Variants in ACACA observed in about 807,000 individuals in gnomAD.
The protein encoded by ACACA is acetyl-CoA carboxylase alpha.
ACACA carries 103 observed loss-of-function variants against 296.1 expected under a neutral mutation model. The observed-to-expected ratio is 0.35, with a 90% CI of 0.30 to 0.41. The LOEUF (loss-of-function observed/expected upper bound fraction) is 0.41, where lower values mean the gene tolerates loss of function less well. Ranked by LOEUF, ACACA falls within the 10% of genes least tolerant of loss-of-function variation. The pLI is 1.00. For synonymous variants in ACACA, 953 were observed against 1,038.6 expected (o/e 0.92, Z 1.58); for missense variants, 1,554 against 2,989.7 (o/e 0.52, Z 11.20).
At chr17:37,192,814 T>C (rs768527601) in intron 36 of ACACA, among the ~76,000 whole-genome samples, 19 of 152,202 alleles carry the variant, frequency 1.2e-4, no homozygotes, top group Non-Finnish European at 2.6e-4. Context: ...TTTGGAACAC[T>C]ATATCCATAG....
rs57591064 is a variant in ACACA, at chr17:37,210,751, C to CAA, written c.3684-263_3684-262dup. On this transcript the variant is annotated intron_variant, in intron 29 of 55. Transcript: ENST00000616317. ...TGGATTTTAAAAATAGCTCTATTAC[C>CAA]AAAAAAAAAAAAAAAAAAAAAAAAA... Among the ~76,000 whole-genome samples the CAA allele has an allele frequency of 4.3e-3, 308 of 72,380 alleles. 7 individuals carry two copies. Among genetic ancestry groups the CAA allele is most frequent in the African/African-American group, 0.011 (215 of 20,344 alleles). 47.5% of individuals were successfully genotyped at this position (72,380 alleles called of 152,430 possible). A position where few individuals can be genotyped will look rare whatever the true frequency, so the allele number is the denominator to read the frequency against.
chr17:37,100,503 C>T (rs1052610079), intron 52 of ACACA, among the ~76,000 whole-genome samples: 1 of 151,956 alleles, frequency 6.6e-6, no homozygotes, highest in Admixed American at 6.6e-5. Context: ...AAAAGTGGCT[C>T]ACTCTTCAAA....
intron 47 of ACACA, among the ~76,000 whole-genome samples, chr17:37,127,441 C>T (rs758822837): frequency 3.9e-5 from 6 of 152,100 alleles, no homozygotes; most frequent in African/African-American, 9.7e-5. Context: ...TACCCAGTTC[C>T]GATGCAGAAC....
chr17:37,389,380 G>A lies in ACACA; in HGVS notation c.38+16882C>T, dbSNP rs781675209. On this transcript the variant is annotated intron_variant, in intron 1 of 55. Transcript: ENST00000616317. ...CCCAGAAGGAAAGTGTTCTCTGTGT[G>A]GTTTATGTCATTTGCTTAAAGAAGG... 6 of 1,562,002 alleles carry A rather than the reference G, an allele frequency of 3.8e-6. No homozygotes were observed. In the East Asian group the frequency reaches 1.4e-4, roughly 37 times the overall value.
intron 3 of ACACA, among the ~76,000 whole-genome samples, chr17:37,291,030 C>T (rs1460679602): frequency 1.4e-5 from 2 of 144,486 alleles, no homozygotes; most frequent in East Asian, 2.1e-4. Context: ...TGCAGTGAGC[C>T]GAGATCACGC....
chr17:37,199,719 C>T (rs1203846263), intron 35 of ACACA, among the ~76,000 whole-genome samples: 1 of 151,764 alleles, frequency 6.6e-6, no homozygotes, highest in Non-Finnish European at 1.5e-5. Context: ...ACTATAAGCA[C>T]AGAAGAAATT....
chr17:37,198,742 G>A (rs1304650543), intron 35 of ACACA, among the ~76,000 whole-genome samples: 1 of 152,114 alleles, frequency 6.6e-6, no homozygotes, highest in African/African-American at 2.4e-5. Context: ...TAGCTCTCTT[G>A]TTTCTCTATA....
At position 37,221,971 on chromosome 17, in the gene ACACA, C is replaced by T. The variant is rs2079314300; in HGVS notation, c.3565-129G>A. 8.0e-6 allele frequency: 6 copies of T among 753,300 alleles called. No individual in the cohort carries two copies. The Admixed American group carries it at 8.1e-5, about 10-fold the overall frequency. 46.7% of individuals were successfully genotyped at this position (753,300 alleles called of 1,614,324 possible). On this transcript the variant is annotated intron_variant, in intron 28 of 55. Transcript: ENST00000616317. ...CTGTGGGGAGAGAAGTCCCAAGGCC[C>T]TATGTATACGTACATATATTGCTTT...
At chr17:37,385,788 T>C (rs1487304630) in intron 1 of ACACA, among the ~76,000 whole-genome samples, 2 of 152,160 alleles carry the variant, frequency 1.3e-5, no homozygotes, top group Non-Finnish European at 2.9e-5. Context: ...CCTATGTTAG[T>C]TAAAAGTCCC....
chr17:37,221,159 G>A (rs1017014875), intron 29 of ACACA, among the ~76,000 whole-genome samples: 2 of 152,062 alleles, frequency 1.3e-5, no homozygotes, highest in African/African-American at 4.8e-5. Context: ...AGACAGGAAG[G>A]GACAAATAAT....
chr17:37,403,697 G>A (rs2051367603), intron 1 of ACACA, among the ~76,000 whole-genome samples: 1 of 152,270 alleles, frequency 6.6e-6, no homozygotes, highest in Admixed American at 6.5e-5. Context: ...TCTTTCTTAA[G>A]CACACTGACT....
chr17:37,241,806 T>C lies in ACACA; in HGVS notation c.3032+147A>G, dbSNP rs1050581160. 7.4e-6 allele frequency: 5 copies of C among 679,200 alleles called. No homozygotes were observed. In the African/African-American group the frequency reaches 9.0e-5, roughly 12 times the overall value. 42.1% of individuals were successfully genotyped at this position (679,200 alleles called of 1,614,324 possible). On this transcript the variant is annotated intron_variant, in intron 23 of 55. Transcript: ENST00000616317. ...AGAGTTAGCTCACAATTCTAAGATATTTAGAAAAGACAAGGTACTTTCTAA... is the reference window on the plus strand; with the variant it reads ...AGAGTTAGCTCACAATTCTAAGATACTTAGAAAAGACAAGGTACTTTCTAA...
intron 52 of ACACA, among the ~76,000 whole-genome samples, chr17:37,099,530 A>G (rs1203454572): frequency 0.015 from 1,287 of 87,698 alleles, 12 homozygotes; most frequent in Non-Finnish European, 0.019. Flanking sequence ...GGCTGATGGG[A>G]GGAGGGCTGA....
chr17:37,275,676 C>A (rs915317913), intron 8 of ACACA, among the ~76,000 whole-genome samples: 1 of 152,002 alleles, frequency 6.6e-6, no homozygotes, highest in Non-Finnish European at 1.5e-5. Flanking sequence ...ACATCTAAAC[C>A]CACAAAACCA....
intron 47 of ACACA, among the ~76,000 whole-genome samples, chr17:37,126,117 A>C (rs1432642201): frequency 6.6e-6 from 1 of 152,224 alleles, no homozygotes; most frequent in Non-Finnish European, 1.5e-5. Context: ...CACTACAAAC[A>C]TTTGTCAAAA....
chr17:37,162,800 T>A (rs1331261976), intron 41 of ACACA: 6 of 166,690 alleles, frequency 3.6e-5, no homozygotes, highest in Non-Finnish European at 7.7e-5. Flanking sequence ...GAAAATTGTC[T>A]ACTGTAGGTA....
chr17:37,391,893 T>G (rs2050899875), intron 1 of ACACA: 1 of 632,696 alleles, frequency 1.6e-6, no homozygotes, highest in Admixed American at 2.8e-5. Context: ...GTTACCCTCA[T>G]GCCCCTATCT....
intron 1 of ACACA, among the ~76,000 whole-genome samples, chr17:37,340,182 G>A (rs1180109595): frequency 1.3e-5 from 2 of 152,160 alleles, no homozygotes; most frequent in African/African-American, 2.4e-5. Context: ...GAGGCAGTGG[G>A]GAGAAGAGAA....
intron 3 of ACACA, chr17:37,328,958 C>T: frequency 2.5e-6 from 1 of 398,574 alleles, no homozygotes; most frequent in Non-Finnish European, 4.4e-6. Context: ...GAACCAAGAA[C>T]CACTGATCCA....
Sources: allele counts gnomAD v4.1 joint callset (sites outside exome capture counted in the v4.1 genomes callset), GRCh38; gene constraint gnomAD v4.1.1; transcripts MANE v1.5; gene names NCBI Gene and HGNC (gene_info 2026-07-23, HGNC 2026-07-21).